The following SLC10A2 variants were observed in gnomAD, a reference collection of about 807,000 sequenced individuals.
The protein encoded by SLC10A2 is ileal sodium/bile acid cotransporter.
Under a neutral mutation model 27.1 loss-of-function variants are expected in SLC10A2, and 34 were observed. The ratio of observed to expected loss-of-function variants is 1.26; its 90% CI spans 0.96 to 1.67. The LOEUF is 1.67. SLC10A2 is among the 40% of genes most tolerant of loss of function. The pLI, the probability that SLC10A2 is intolerant of heterozygous loss-of-function variation, is 0.00. For synonymous variants in SLC10A2, 205 were observed against 174.0 expected, an observed-to-expected ratio of 1.18 and a Z score of -1.40; for missense variants, 530 against 444.4, an observed-to-expected ratio of 1.19 and a Z score of -1.73.
In SLC10A2 at chr13:103,045,999, A is replaced by G. The variant is rs1875597972; in HGVS notation, c.*134T>C. On this transcript the variant is annotated 3_prime_UTR_variant, in exon 6 of 6. Transcript: ENST00000245312. ...CACCAGTCACTTGGTACTGAAACCA[A>G]TACATGAATTCCAATGAAATTCCAA... 7 of 1,035,836 alleles carry G rather than the reference A, an allele frequency of 6.8e-6. No individual in the cohort carries two copies. The East Asian group carries it at 1.7e-4, about 26-fold the overall frequency. The allele number at this position is 1,035,836 out of a possible 1,614,324, so 64.2% of individuals were successfully genotyped here.
Position 103,044,564 on chromosome 13 carries a change from T to G in SLC10A2, c.*1569A>C, listed in dbSNP as rs184585511. The G allele has an allele frequency of 4.9e-4, 75 of 152,278 alleles. 1 individual carries two copies. Among genetic ancestry groups the G allele is most frequent in the Admixed American group, 2.2e-3 (34 of 15,288 alleles). The allele number at this position is 152,278 out of a possible 1,614,324, so 9.4% of individuals were successfully genotyped here. On this transcript the variant is annotated 3_prime_UTR_variant, in exon 6 of 6. Coordinates refer to ENST00000245312, the MANE Select transcript of SLC10A2 (RefSeq NM_000452.3). ...TTCAACTGTAAATGGAAATCTTGCA[T>G]AAAAAGATCAATGTTATGAATTTGA...
At chr13:103,049,722 T>C (rs2138912570) in intron 4 of SLC10A2, among the ~76,000 whole-genome samples, 1 of 152,280 alleles carries the variant, frequency 6.6e-6, no homozygotes, top group East Asian at 1.9e-4. Flanking sequence ...GTTAGGTAAG[T>C]GGCCAAGAGG....
At chr13:103,049,200 A>G in intron 5 of SLC10A2, 89 bp downstream of exon 5, 1 of 1,368,476 alleles carries the variant, frequency 7.3e-7, no homozygotes, top group Non-Finnish European at 1.0e-6. Context: ...ATTCACCACC[A>G]GGAACGGGGA....
intron 2 of SLC10A2, among the ~76,000 whole-genome samples, chr13:103,055,089 A>G (rs1313518823): frequency 6.6e-6 from 1 of 152,158 alleles, no homozygotes; most frequent in East Asian, 1.9e-4. Flanking sequence ...ATAGATTTGG[A>G]ACTGAACCTT....
chr13:103,048,411 G>T (rs972481412), intron 5 of SLC10A2, among the ~76,000 whole-genome samples: 1 of 138,948 alleles, frequency 7.2e-6, no homozygotes, highest in South Asian at 2.2e-4. Context: ...GAAAAAAAAA[G>T]AAAAGAAAAG....
At chr13:103,061,557 CTTTG>C (rs1260219838) in intron 1 of SLC10A2, among the ~76,000 whole-genome samples, 3 of 151,058 alleles carry the variant, frequency 2.0e-5, no homozygotes, top group Non-Finnish European at 4.4e-5. Context: ...CTTTTTCTGT[CTTTG>C]TTTTTTTTTC....
chr13:103,058,925 G>A (rs1876022005), intron 1 of SLC10A2, among the ~76,000 whole-genome samples: 1 of 152,174 alleles, frequency 6.6e-6, no homozygotes, highest in Admixed American at 6.5e-5. Flanking sequence ...ACATATGTGT[G>A]CATGTGTCTT....
At chr13:103,049,222 A>G in intron 5 of SLC10A2, 67 bp downstream of exon 5, 2 of 1,566,542 alleles carry the variant, frequency 1.3e-6, no homozygotes, top group South Asian at 1.1e-5. Flanking sequence ...TTTTAAAAAA[A>G]TGTTGTTTTA....
intron 1 of SLC10A2, among the ~76,000 whole-genome samples, chr13:103,061,717 T>C (rs146894785): frequency 6.6e-6 from 1 of 152,176 alleles, no homozygotes; most frequent in South Asian, 2.1e-4. Flanking sequence ...TTTAGACTTG[T>C]GAGCAGCACT....
rs56274248 is a variant in SLC10A2 at position 103,056,615 on chromosome 13, A to G, written c.496+1649T>C. On this transcript the variant is annotated intron_variant, in intron 2 of 5. Coordinates refer to ENST00000245312, the MANE Select transcript of SLC10A2 (RefSeq NM_000452.3). ...AGCAGACAGGTTCTTTGAGAGGGAT[A>G]TAATGGTCACCACTCACGTAAACTA... Among the ~76,000 whole-genome samples, 1,474 of 152,214 alleles carry G rather than the reference A, an allele frequency of 9.7e-3. 40 individuals are homozygous for G. Among genetic ancestry groups the G allele is most frequent in the African/African-American group, 0.033 (1,389 of 41,508 alleles).
intron 1 of SLC10A2, 122 bp from the exon 2 acceptor site, chr13:103,058,504 T>A: frequency 1.4e-6 from 1 of 700,318 alleles, no homozygotes; most frequent in Non-Finnish European, 2.6e-6. Context: ...ATGTTTGTTA[T>A]ATAGGTCAAC....
rs767512118 is a variant in SLC10A2, at chr13:103,052,619, C to T, written c.585+1G>A. The T allele has an allele frequency of 3.2e-6, 5 of 1,585,134 alleles. No individual in the cohort carries two copies. The highest frequency in any genetic ancestry group is 4.3e-6 in the Non-Finnish European group (5 of 1,153,852). ...TTAATGGTGTGAACTGGGATACTTA[C>T]TTTAAGTATGATCTTTGCTTTTTGG... On this transcript the variant is annotated splice_donor_variant, in intron 3 of 5. Transcript: ENST00000245312. LOFTEE classifies it high-confidence loss of function.
intron 1 of SLC10A2, among the ~76,000 whole-genome samples, chr13:103,063,989 C>T (rs764709399): frequency 1.3e-5 from 2 of 152,154 alleles, no homozygotes; most frequent in Admixed American, 6.5e-5. Context: ...CTTCCTTCCC[C>T]GCTTCTTATT....
intron 5 of SLC10A2, among the ~76,000 whole-genome samples, chr13:103,048,889 CCA>C (rs1222960233): frequency 2.0e-5 from 3 of 152,098 alleles, no homozygotes; most frequent in East Asian, 3.9e-4. Context: ...TCTTTGTATA[CCA>C]GTTTTCTGAT....
chr13:103,054,037 AATT>A (rs576049683), intron 2 of SLC10A2, among the ~76,000 whole-genome samples: 91 of 152,250 alleles, frequency 6.0e-4, no homozygotes, highest in African/African-American at 2.2e-3. Context: ...TCTCATGTTG[AATT>A]ATAATCCCCA....
In SLC10A2 at chr13:103,044,447, A is replaced by C. The variant is rs1875548246; in HGVS notation, c.*1686T>G. 6.6e-6 allele frequency: 1 copy of C among 152,184 alleles called. No homozygotes were observed. Among genetic ancestry groups the C allele is most frequent in the Non-Finnish European group, 1.5e-5 (1 of 68,042 alleles). The allele number at this position is 152,184 out of a possible 1,614,324, so 9.4% of individuals were successfully genotyped here. On this transcript the variant is annotated 3_prime_UTR_variant, in exon 6 of 6. Transcript: ENST00000245312. The stretch of plus-strand genomic sequence containing the variant: ...AGCATATTCTCTGACACTCTCTAAG[A>C]AGGAAGTCTGTACCCCCTCTCCTCC...
At chr13:103,047,130 C>T (rs1042842932) in intron 5 of SLC10A2, among the ~76,000 whole-genome samples, 93 of 152,248 alleles carry the variant, frequency 6.1e-4, no homozygotes, top group African/African-American at 2.1e-3. Flanking sequence ...ATAATATTAG[C>T]TACCTCATAG....
chr13:103,062,898 G>A (rs1181153711), intron 1 of SLC10A2, among the ~76,000 whole-genome samples: 1 of 152,194 alleles, frequency 6.6e-6, no homozygotes, highest in Non-Finnish European at 1.5e-5. Context: ...TCCTTGCATG[G>A]TGTCGCTGAG....
intron 4 of SLC10A2, among the ~76,000 whole-genome samples, chr13:103,049,738 T>C (rs904613836): frequency 1.3e-5 from 2 of 152,184 alleles, no homozygotes; most frequent in Non-Finnish European, 2.9e-5. Context: ...AGAGGGTTCA[T>C]TTCACCCTTT....
Sources: gnomAD v4.1 joint callset for allele counts (sites outside exome capture counted in the v4.1 genomes callset) on GRCh38, gnomAD v4.1.1 for gene constraint, MANE v1.5 for transcripts, NCBI Gene and HGNC (gene_info 2026-07-23, HGNC 2026-07-21) for gene names.